The following SRPK2 variants were observed in gnomAD, a reference collection of about 807,000 sequenced individuals.
SRPK2 encodes the protein SRSF protein kinase 2.
In SRPK2, 21 loss-of-function variants were observed where a neutral mutation model predicts 90.8. The ratio of observed to expected loss-of-function variants is 0.23; its 90% CI spans 0.16 to 0.33. SRPK2 has a LOEUF of 0.33. SRPK2 is among the 10% of genes least tolerant of loss of function. The pLI, the probability that SRPK2 is intolerant of heterozygous loss-of-function variation, is 1.00. For missense variants in SRPK2, 620 were observed against 869.0 expected (o/e 0.71, Z 3.60); for synonymous variants, 288 against 311.1 (o/e 0.93, Z 0.78).
chr7:105,358,565 C>T (rs1290099654), intron 2 of SRPK2, among the ~76,000 whole-genome samples: 10 of 151,102 alleles, frequency 6.6e-5, no homozygotes, highest in Admixed American at 5.9e-4. Flanking sequence ...TCTTGCCTGC[C>T]GTGTCAGTTA....
At chr7:105,170,901 A>AGG (rs1790890327) in intron 3 of SRPK2, among the ~76,000 whole-genome samples, 1 of 123,322 alleles carries the variant, frequency 8.1e-6, no homozygotes, top group Non-Finnish European at 1.7e-5. Context: ...GAAAGAAAGA[A>AGG]AGAAAGAAAG....
intron 2 of SRPK2, among the ~76,000 whole-genome samples, chr7:105,211,539 G>A (rs1028845514): frequency 6.6e-6 from 1 of 152,136 alleles, no homozygotes; most frequent in African/African-American, 2.4e-5. Flanking sequence ...GCAACACAGT[G>A]TGGGAGCAGT....
intron 2 of SRPK2, among the ~76,000 whole-genome samples, chr7:105,279,273 C>T (rs1188154830): frequency 6.9e-6 from 1 of 145,816 alleles, no homozygotes; most frequent in Admixed American, 7.0e-5. Flanking sequence ...GAGGTAGTCT[C>T]AGGCTGGTTA....
chr7:105,191,983 G>T (rs564797435), intron 3 of SRPK2, among the ~76,000 whole-genome samples: 2 of 151,160 alleles, frequency 1.3e-5, no homozygotes, highest in Non-Finnish European at 2.9e-5. Context: ...CAGAGTGCTA[G>T]GATTACAGGT....
At chr7:105,228,455 T>TA (rs909649250) in intron 2 of SRPK2, among the ~76,000 whole-genome samples, 15 of 152,178 alleles carry the variant, frequency 9.9e-5, no homozygotes, top group African/African-American at 3.6e-4. Flanking sequence ...AAAGATGAAA[T>TA]AAAAAGTTCT....
chr7:105,187,633 C>T (rs1480946216), intron 3 of SRPK2, among the ~76,000 whole-genome samples: 1 of 151,978 alleles, frequency 6.6e-6, no homozygotes, highest in Non-Finnish European at 1.5e-5. Context: ...TACCTCAGAC[C>T]ATATAGCCTT....
intron 2 of SRPK2, among the ~76,000 whole-genome samples, chr7:105,371,855 C>G (rs1023573867): frequency 2.0e-5 from 3 of 152,098 alleles, no homozygotes; most frequent in Non-Finnish European, 4.4e-5. Flanking sequence ...GTTCCCTGGG[C>G]CGGGCACAGT....
At chr7:105,142,528 C>T (rs751342725) in intron 10 of SRPK2, 38 bp from the exon 11 acceptor site, 2 of 1,567,616 alleles carry the variant, frequency 1.3e-6, no homozygotes, top group Non-Finnish European at 1.7e-6. Context: ...GAACTTGTTA[C>T]TCTCCTTAAT....
At chr7:105,289,941 T>C (rs75223508) in intron 2 of SRPK2, among the ~76,000 whole-genome samples, 4,544 of 152,108 alleles carry the variant, frequency 0.03, 255 homozygotes, top group African/African-American at 0.1. Context: ...ATTTCAATAC[T>C]GTTGTGTCGC....
chr7:105,140,614 T>C (rs1480398458), intron 11 of SRPK2, among the ~76,000 whole-genome samples: 2 of 149,508 alleles, frequency 1.3e-5, no homozygotes, highest in African/African-American at 4.9e-5. Context: ...AATAAATAAA[T>C]AAATGAATGA....
At chr7:105,149,781 G>C (rs1041184667) in intron 7 of SRPK2, among the ~76,000 whole-genome samples, 2 of 152,020 alleles carry the variant, frequency 1.3e-5, no homozygotes, top group African/African-American at 4.8e-5. Flanking sequence ...TGAAGTGAGA[G>C]GGAACAAAGA....
At chr7:105,307,630 G>A (rs1306813933) in intron 2 of SRPK2, among the ~76,000 whole-genome samples, 1 of 152,138 alleles carries the variant, frequency 6.6e-6, no homozygotes, top group Non-Finnish European at 1.5e-5. Context: ...ATGCCCCACA[G>A]CTGTTAAAAA....
upstream of SRPK2, chr7:105,389,373 G>A: frequency 7.9e-7 from 1 of 1,265,662 alleles, no homozygotes; most frequent in Non-Finnish European, 1.0e-6. Flanking sequence ...AACCCCATGA[G>A]CGCCGCTTCC....
At chr7:105,328,884 A>C (rs1456349863) in intron 2 of SRPK2, among the ~76,000 whole-genome samples, 1 of 151,098 alleles carries the variant, frequency 6.6e-6, no homozygotes, top group Admixed American at 6.6e-5. Flanking sequence ...AAAAAAAAAA[A>C]TTTAATAGAA....
intron 7 of SRPK2, among the ~76,000 whole-genome samples, chr7:105,156,073 TCTTAAA>T (rs1343705259): frequency 6.6e-6 from 1 of 152,098 alleles, no homozygotes; most frequent in Non-Finnish European, 1.5e-5. Flanking sequence ...TGATAGAAAA[TCTTAAA>T]CAGGTTCCCA....
intron 2 of SRPK2, among the ~76,000 whole-genome samples, chr7:105,380,217 T>C (rs895762453): frequency 3.3e-5 from 5 of 152,128 alleles, no homozygotes; most frequent in African/African-American, 1.2e-4. Flanking sequence ...AAGCAACCTC[T>C]ATCTCCCGTG....
chr7:105,151,850 C>A (rs865819175), intron 7 of SRPK2, among the ~76,000 whole-genome samples: 1 of 151,960 alleles, frequency 6.6e-6, no homozygotes, highest in East Asian at 1.9e-4. Context: ...ACGGTGAAAC[C>A]CCCTCTCTAC....
At chr7:105,327,642 G>T (rs540284709) in intron 2 of SRPK2, among the ~76,000 whole-genome samples, 1 of 152,198 alleles carries the variant, frequency 6.6e-6, no homozygotes, top group Non-Finnish European at 1.5e-5. Context: ...ATGCTGAAGG[G>T]TGAGGCCCAC....
At chr7:105,122,382 A>G (rs1800511808) in intron 15 of SRPK2, among the ~76,000 whole-genome samples, 1 of 152,210 alleles carries the variant, frequency 6.6e-6, no homozygotes, top group Admixed American at 6.5e-5. Context: ...TTGTACATTA[A>G]TGATCATAGT....
Sources: gnomAD v4.1 joint callset for allele counts (sites outside exome capture counted in the v4.1 genomes callset) on GRCh38, gnomAD v4.1.1 for gene constraint, MANE v1.5 for transcripts, NCBI Gene and HGNC (gene_info 2026-07-23, HGNC 2026-07-21) for gene names.